Variants in GRM7 observed in about 807,000 individuals in gnomAD.
The protein encoded by GRM7 is metabotropic glutamate receptor 7.
A neutral mutation model predicts 84.5 loss-of-function variants in GRM7; 35 were observed. That is an observed-to-expected ratio of 0.41 (90% CI 0.32 to 0.55). GRM7 has a LOEUF of 0.55. Ranked by LOEUF, GRM7 falls within the 20% of genes least tolerant of loss-of-function variation. The pLI is 0.19. For synonymous variants in GRM7, 487 were observed against 455.1 expected (o/e 1.07, Z -0.89); for missense variants, 1,003 against 1,194.6 (o/e 0.84, Z 2.36).
At chr3:6,988,965 C>T (rs747413597) in intron 1 of GRM7, among the ~76,000 whole-genome samples, 4 of 152,092 alleles carry the variant, frequency 2.6e-5, no homozygotes, top group Non-Finnish European at 5.9e-5. Flanking sequence ...AATAAATAAA[C>T]CCTCCTATTT....
chr3:7,393,037 G>A (rs1369995215), intron 4 of GRM7, among the ~76,000 whole-genome samples: 1 of 152,126 alleles, frequency 6.6e-6, no homozygotes, highest in East Asian at 1.9e-4. Context: ...CGAGACCAGA[G>A]AGGGCAGGCT....
chr3:7,616,358 A>T (rs17047727), intron 8 of GRM7, among the ~76,000 whole-genome samples: 2,891 of 152,198 alleles, frequency 0.019, 71 homozygotes, highest in African/African-American at 0.064. Context: ...TGTGCTTCCT[A>T]CACCTAACTT....
intron 1 of GRM7, among the ~76,000 whole-genome samples, chr3:6,870,671 A>T (rs1490644503): frequency 6.6e-6 from 1 of 152,140 alleles, no homozygotes; most frequent in Non-Finnish European, 1.5e-5. Context: ...TTTCCAGGTA[A>T]GATCGATGGT....
chr3:7,269,476 T>C (rs1027844081), intron 2 of GRM7, among the ~76,000 whole-genome samples: 3 of 152,152 alleles, frequency 2.0e-5, no homozygotes, highest in African/African-American at 7.2e-5. Context: ...TTAATTGCTC[T>C]GGGTTGGCTT....
At chr3:7,005,842 G>A (rs151272273) in intron 1 of GRM7, among the ~76,000 whole-genome samples, 9 of 152,226 alleles carry the variant, frequency 5.9e-5, no homozygotes, top group Non-Finnish European at 1.2e-4. Flanking sequence ...TTTACACTAT[G>A]TTTAGCATGG....
At chr3:6,972,341 C>T (rs1693790556) in intron 1 of GRM7, among the ~76,000 whole-genome samples, 1 of 152,142 alleles carries the variant, frequency 6.6e-6, no homozygotes, top group Non-Finnish European at 1.5e-5. Flanking sequence ...GGCTTTTCCA[C>T]TGAGAGAGTT....
At chr3:6,890,442 C>T (rs149757151) in intron 1 of GRM7, among the ~76,000 whole-genome samples, 7,888 of 152,092 alleles carry the variant, frequency 0.052, 223 homozygotes, top group African/African-American at 0.064. Flanking sequence ...TCTTTGTTCT[C>T]GTTGGTTTCA....
At chr3:7,543,677 A>C (rs1213268676) in intron 7 of GRM7, among the ~76,000 whole-genome samples, 1 of 152,362 alleles carries the variant, frequency 6.6e-6, no homozygotes, top group South Asian at 2.1e-4. Flanking sequence ...CTTAGCAAGA[A>C]GTTGTGAAGG....
At chr3:6,902,380 T>C (rs1696419590) in intron 1 of GRM7, among the ~76,000 whole-genome samples, 1 of 152,182 alleles carries the variant, frequency 6.6e-6, no homozygotes, top group African/African-American at 2.4e-5. Context: ...TTAAACCTTT[T>C]TATCATTTGG....
At chr3:7,420,368 C>T (rs947903547) in intron 5 of GRM7, among the ~76,000 whole-genome samples, 3 of 152,134 alleles carry the variant, frequency 2.0e-5, no homozygotes, top group African/African-American at 4.8e-5. Flanking sequence ...ACCTAATTTA[C>T]TTAACATGAT....
chr3:7,265,918 G>A lies in GRM7; in HGVS notation c.737-32766G>A, dbSNP rs147424682. Among the ~76,000 whole-genome samples, 556 of 152,232 alleles carry A rather than the reference G, an allele frequency of 3.7e-3. 1 individual carries two copies. The highest frequency in any genetic ancestry group is 0.013 in the African/African-American group (532 of 41,524). Reference sequence around the variant, plus strand: ...CCTAAGTGTCCTGGGAGGCCTGGTGGGGTTACACGGAAGGGTACCCAGCCA... The same window carrying A: ...CCTAAGTGTCCTGGGAGGCCTGGTGAGGTTACACGGAAGGGTACCCAGCCA... On this transcript the variant is annotated intron_variant, in intron 2 of 9. Coordinates refer to ENST00000357716, the MANE Select transcript of GRM7 (RefSeq NM_000844.4).
chr3:7,097,113 G>A (rs1236527883), intron 1 of GRM7, among the ~76,000 whole-genome samples: 1 of 152,130 alleles, frequency 6.6e-6, no homozygotes, highest in South Asian at 2.1e-4. Context: ...AGTCACCCAT[G>A]CATGCTGGTC....
At chr3:6,927,675 T>A (rs1400675461) in intron 1 of GRM7, among the ~76,000 whole-genome samples, 1 of 152,222 alleles carries the variant, frequency 6.6e-6, no homozygotes, top group Non-Finnish European at 1.5e-5. Flanking sequence ...GTAAATCTAC[T>A]CATTTTATAC....
chr3:7,038,603 G>A (rs17046671), intron 1 of GRM7, among the ~76,000 whole-genome samples: 20,099 of 152,082 alleles, frequency 0.13, 4,554 homozygotes, highest in African/African-American at 0.46. Flanking sequence ...TGCTACCTAC[G>A]TGAGTCTATT....
At chr3:6,895,693 C>G (rs989649288) in intron 1 of GRM7, among the ~76,000 whole-genome samples, 2 of 152,064 alleles carry the variant, frequency 1.3e-5, no homozygotes, top group Non-Finnish European at 2.9e-5. Context: ...TCAGATTGAT[C>G]AGGCCATTAT....
chr3:7,619,007 G>T (rs1163952292), intron 8 of GRM7, among the ~76,000 whole-genome samples: 1 of 152,082 alleles, frequency 6.6e-6, no homozygotes, highest in Non-Finnish European at 1.5e-5. Flanking sequence ...TTCTGTGGAG[G>T]GTGTATAGGT....
chr3:7,442,748 A>G (rs1193877572), intron 5 of GRM7, among the ~76,000 whole-genome samples: 1 of 152,168 alleles, frequency 6.6e-6, no homozygotes, highest in Non-Finnish European at 1.5e-5. Context: ...AATTAGATAC[A>G]TGGGAAGCAC....
At chr3:7,619,132 G>A (rs1460950655) in intron 8 of GRM7, among the ~76,000 whole-genome samples, 2 of 152,174 alleles carry the variant, frequency 1.3e-5, no homozygotes, top group East Asian at 3.9e-4. Flanking sequence ...ATTTTAGTCG[G>A]CCCATTTTGC....
At chr3:7,099,837 GTA>G in intron 1 of GRM7, among the ~76,000 whole-genome samples, 1 of 136,166 alleles carries the variant, frequency 7.3e-6, no homozygotes, top group Non-Finnish European at 1.5e-5. Context: ...ACATGTATAT[GTA>G]CACGCATTAT....
Sources: allele counts gnomAD v4.1 joint callset (sites outside exome capture counted in the v4.1 genomes callset), GRCh38; gene constraint gnomAD v4.1.1; transcripts MANE v1.5; gene names NCBI Gene and HGNC (gene_info 2026-07-23, HGNC 2026-07-21).